Variants in DSCAML1 observed in about 807,000 individuals in gnomAD.
The protein encoded by DSCAML1 is cell adhesion molecule DSCAML1.
In DSCAML1, 38 loss-of-function variants were observed where a neutral mutation model predicts 200.5. The observed-to-expected ratio is 0.19, with a 90% CI of 0.15 to 0.25. The LOEUF (loss-of-function observed/expected upper bound fraction) is 0.25, where lower values mean the gene tolerates loss of function less well. Among genes scored for constraint, DSCAML1 ranks in the 10% least tolerant of loss-of-function variants. The pLI is 1.00. For missense variants in DSCAML1, 2,223 were observed against 2,858.8 expected (o/e 0.78, Z 5.07); for synonymous variants, 1,215 against 1,165.0 (o/e 1.04, Z -0.87).
chr11:117,431,472 G>A (rs1055677457), intron 31 of DSCAML1, 62 bp downstream of exon 31: 1 of 1,426,504 alleles, frequency 7.0e-7, no homozygotes, highest in Non-Finnish European at 9.4e-7. Flanking sequence ...AATAGAAGGT[G>A]AAGGTGAATG....
chr11:117,807,660 G>A (rs754910331), intron 1 of DSCAML1, among the ~76,000 whole-genome samples: 17 of 152,186 alleles, frequency 1.1e-4, no homozygotes, highest in Admixed American at 2.6e-4. Context: ...ACCTGCCATG[G>A]CCAGCAGGTG....
intron 3 of DSCAML1, among the ~76,000 whole-genome samples, chr11:117,553,039 G>C (rs1462119408): frequency 6.6e-6 from 1 of 152,206 alleles, no homozygotes; most frequent in Non-Finnish European, 1.5e-5. Flanking sequence ...ATCACCGCCT[G>C]TTCTGGGTGA....
intron 3 of DSCAML1, among the ~76,000 whole-genome samples, chr11:117,563,141 C>G (rs1334475042): frequency 6.6e-6 from 1 of 152,200 alleles, no homozygotes; most frequent in African/African-American, 2.4e-5. Context: ...CACCCAATAG[C>G]TGGTCCTGGA....
intron 3 of DSCAML1, among the ~76,000 whole-genome samples, chr11:117,557,986 G>A (rs1260358365): frequency 1.3e-5 from 2 of 152,126 alleles, no homozygotes; most frequent in East Asian, 3.8e-4. Flanking sequence ...ACAAGCCCGG[G>A]ATAGCAACCA....
chr11:117,501,602 C>A (rs1017368591), intron 11 of DSCAML1, among the ~76,000 whole-genome samples: 2 of 151,914 alleles, frequency 1.3e-5, no homozygotes, highest in African/African-American at 4.8e-5. Context: ...AGAGTGGGGC[C>A]GGAATGGGAG....
At chr11:117,622,910 G>A (rs921554512) in intron 3 of DSCAML1, among the ~76,000 whole-genome samples, 15 of 152,194 alleles carry the variant, frequency 9.9e-5, no homozygotes, top group Admixed American at 7.9e-4. Flanking sequence ...TCCATACTAT[G>A]TATTAAATGC....
chr11:117,500,776 G>A lies in DSCAML1; in HGVS notation c.2359+3069C>T, dbSNP rs114977169. Among the ~76,000 whole-genome samples, 661 of 152,278 alleles carry A rather than the reference G, an allele frequency of 4.3e-3. 2 individuals are homozygous for A. Among genetic ancestry groups the A allele is most frequent in the African/African-American group, 0.01 (436 of 41,554 alleles). Reference sequence around the variant, plus strand: ...TCCCCATTAGAAGCCAACCACAAACGTCCAATCTGACACTTGGAGGCTTTC... The same window carrying A: ...TCCCCATTAGAAGCCAACCACAAACATCCAATCTGACACTTGGAGGCTTTC... On this transcript the variant is annotated intron_variant, in intron 11 of 32. Transcript: ENST00000651296.
chr11:117,523,419 G>A (rs757226888), intron 5 of DSCAML1, among the ~76,000 whole-genome samples: 1 of 152,160 alleles, frequency 6.6e-6, no homozygotes, highest in Admixed American at 6.5e-5. Context: ...GCTGTCCAGG[G>A]CTTGTTTGTA....
chr11:117,772,524 A>G (rs1194896938), intron 3 of DSCAML1, among the ~76,000 whole-genome samples: 1 of 152,192 alleles, frequency 6.6e-6, no homozygotes, highest in African/African-American at 2.4e-5. Context: ...TCTGGCCCAC[A>G]TCTGAGCAGT....
intron 1 of DSCAML1, among the ~76,000 whole-genome samples, chr11:117,805,522 T>C (rs922992804): frequency 2.0e-5 from 3 of 152,130 alleles, no homozygotes; most frequent in African/African-American, 7.2e-5. Context: ...CAAAGGTAAA[T>C]AGGTTTTTGT....
chr11:117,653,439 C>A (rs2052671925), intron 3 of DSCAML1, among the ~76,000 whole-genome samples: 1 of 152,108 alleles, frequency 6.6e-6, no homozygotes, highest in Non-Finnish European at 1.5e-5. Flanking sequence ...AGAAGGATTC[C>A]CCCTTCCCCC....
rs781616775 is a variant in DSCAML1 at position 117,518,627 on chromosome 11, C to T, written c.1349G>A (p.Arg450Gln). 1.7e-5 allele frequency: 28 copies of T among 1,613,420 alleles called. No homozygotes were observed. The highest frequency in any genetic ancestry group is 1.6e-4 in the Middle Eastern group (1 of 6,082). ...CTGGTTGGTGCGGTGGCTGCCATCC[C>T]GCACGATGGGCTCATCGTCGAGGGC... ...TWALDDEPIV[R>Q]DGSHRTNQYT... Residue 450 changes from arginine (R) to glutamine (Q), a missense_variant, in exon 7 of 33, where the codon CGG becomes CAG. By Grantham distance (43) the Arg-to-Gln change is conservative. This residue lies in a region of DSCAML1 where 579 missense variants were observed against 721.5 expected (regional missense o/e 0.80). Coordinates refer to ENST00000651296, the MANE Select transcript of DSCAML1 (RefSeq NM_020693.4). This position sits in a 1 kb window ranked among gnomAD's most constrained non-coding sequence, Gnocchi z 6.3.
intron 17 of DSCAML1, among the ~76,000 whole-genome samples, chr11:117,462,062 G>C (rs2048492819): frequency 1.3e-5 from 2 of 152,192 alleles, no homozygotes; most frequent in Non-Finnish European, 2.9e-5. Context: ...CCAGGGGTCT[G>C]GGCCAAGGCC....
At chr11:117,637,983 G>A (rs1397973292) in intron 3 of DSCAML1, among the ~76,000 whole-genome samples, 2 of 152,152 alleles carry the variant, frequency 1.3e-5, no homozygotes, top group African/African-American at 4.8e-5. Flanking sequence ...AATGGTGAGG[G>A]GACCCCACTC....
chr11:117,653,339 C>T (rs1454933350), intron 3 of DSCAML1, among the ~76,000 whole-genome samples: 1 of 152,170 alleles, frequency 6.6e-6, no homozygotes, highest in Admixed American at 6.5e-5. Context: ...CCGTGGAGGC[C>T]AGCACTGGTC....
chr11:117,806,640 G>T (rs138868492), intron 1 of DSCAML1, among the ~76,000 whole-genome samples: 12 of 152,342 alleles, frequency 7.9e-5, no homozygotes, highest in Non-Finnish European at 1.5e-4. Context: ...CCATTTTACA[G>T]ACAGTGAAAC....
At chr11:117,449,909 C>T (rs2048252701) in intron 20 of DSCAML1, among the ~76,000 whole-genome samples, 1 of 152,214 alleles carries the variant, frequency 6.6e-6, no homozygotes, top group Non-Finnish European at 1.5e-5. Context: ...TCCCTTCCCT[C>T]TCTGTGGGGC....
At chr11:117,610,927 T>TGCTAGGGTAAATTCCTC (rs1565825055) in intron 3 of DSCAML1, among the ~76,000 whole-genome samples, 2 of 147,696 alleles carry the variant, frequency 1.4e-5, no homozygotes, top group African/African-American at 5.0e-5. Context: ...TTCCTAGAAG[T>TGCTAGGGTAAATTCCTC]AGCATTGCTG....
intron 3 of DSCAML1, among the ~76,000 whole-genome samples, chr11:117,610,841 C>CT (rs374037716): frequency 6.9e-5 from 1 of 14,444 alleles, no homozygotes; most frequent in African/African-American, 1.3e-4. Flanking sequence ...ACCAAAACAA[C>CT]CCCCCCCCCC....
Sources: allele counts gnomAD v4.1 joint callset (sites outside exome capture counted in the v4.1 genomes callset), GRCh38; gene constraint gnomAD v4.1.1; regional missense constraint gnomAD v4.1.1; non-coding constraint Gnocchi (gnomAD v3.1); transcripts MANE v1.5; gene names NCBI Gene and HGNC (gene_info 2026-07-23, HGNC 2026-07-21).